The following DTNA variants were observed in gnomAD, a reference collection of about 807,000 sequenced individuals.
DTNA encodes dystrobrevin alpha.
A neutral mutation model predicts 100.7 loss-of-function variants in DTNA; 43 were observed. The ratio of observed to expected loss-of-function variants is 0.43; its 90% CI spans 0.33 to 0.55. The LOEUF (loss-of-function observed/expected upper bound fraction) is 0.55, where lower values mean the gene tolerates loss of function less well. Ranked by LOEUF, DTNA falls within the 20% of genes least tolerant of loss-of-function variation. The pLI is 0.04. For synonymous variants in DTNA, 349 were observed against 347.9 expected, an observed-to-expected ratio of 1.00 and a Z score of -0.04; for missense variants, 798 against 953.9, an observed-to-expected ratio of 0.84 and a Z score of 2.15.
At chr18:34,856,086 G>A (rs1424024429) in intron 15 of DTNA, among the ~76,000 whole-genome samples, 3 of 152,064 alleles carry the variant, frequency 2.0e-5, no homozygotes, top group African/African-American at 7.3e-5. Context: ...TTAAGGACTA[G>A]AGAGGAAAAA....
At position 34,646,263 on chromosome 18, in the gene DTNA, T is replaced by TA. The variant is rs981521094; in HGVS notation, c.-1-109704dup. 9.2e-5 allele frequency among the ~76,000 whole-genome samples: 14 copies of TA among 151,706 alleles called. No homozygotes were observed. In the Middle Eastern group the frequency reaches 0.01, roughly 111 times the overall value. Reference sequence around the variant, plus strand: ...TTCCTGTCTTTTGTTTATAATAAACTAAAAAAAAATTCATGTTAAGAAATG... The same window carrying TA: ...TTCCTGTCTTTTGTTTATAATAAACTAAAAAAAAAATTCATGTTAAGAAATG... On this transcript the variant is annotated intron_variant, in intron 1 of 19. Transcript: ENST00000283365.
intron 2 of DTNA, among the ~76,000 whole-genome samples, chr18:34,765,187 A>C (rs1568447929): frequency 1.3e-5 from 2 of 152,096 alleles, no homozygotes; most frequent in Non-Finnish European, 2.9e-5. Flanking sequence ...GCCATGCTGG[A>C]CTCCTAAGTG....
intron 1 of DTNA, among the ~76,000 whole-genome samples, chr18:34,696,270 G>A (rs190606432): frequency 3.9e-5 from 6 of 152,154 alleles, no homozygotes; most frequent in Non-Finnish European, 7.4e-5. Context: ...CAAAATTAGC[G>A]TGAGTTTTTA....
chr18:34,848,301 T>C lies in DTNA; in HGVS notation c.1352T>C (p.Leu451Pro), dbSNP rs2096416305. The change falls in exon 14 of 23, where the codon CTT (leucine) becomes CCT (proline). Residue 451 changes from leucine to proline, a missense_variant. This residue lies in a region of DTNA where 159 missense variants were observed against 201.2 expected (regional missense o/e 0.79). Transcript: ENST00000444659. ...TCTTGCTTTGTTCTTAATAGCATGC[T>C]TGAGAGTTCAAACCGGCTTGATGAA... ...NMLRNNPSCM[L>P]ESSNRLDEEH... 1.9e-6 allele frequency: 3 copies of C among 1,613,864 alleles called. No individual in the cohort carries two copies. The highest frequency in any genetic ancestry group is 2.5e-6 in the Non-Finnish European group (3 of 1,179,908).
chr18:34,818,315 A>G lies in DTNA; in HGVS notation c.861A>G (p.Lys287=). 6.2e-7 allele frequency: 1 copy of G among 1,613,940 alleles called. No individual in the cohort carries two copies. Residue 287 remains lysine, a synonymous_variant, in exon 8 of 23, where the codon AAA becomes AAG. Coordinates refer to ENST00000444659, the MANE Select transcript of DTNA (RefSeq NM_001386795.1). ...GGSHSNQHQM[K]EYTSWKSPAK... ...CTCATAGCAACCAGCACCAAATGAAAGAGTACACGTCATGGGTAAGGCAAG... is the reference window on the plus strand; with the variant it reads ...CTCATAGCAACCAGCACCAAATGAAGGAGTACACGTCATGGGTAAGGCAAG...
chr18:34,750,157 TA>T (rs768416004), intron 1 of DTNA, among the ~76,000 whole-genome samples: 9 of 152,222 alleles, frequency 5.9e-5, no homozygotes, highest in Non-Finnish European at 1.0e-4. Flanking sequence ...AAGTGTTTGC[TA>T]AAGTGGAGCA....
intron 3 of DTNA, among the ~76,000 whole-genome samples, chr18:34,766,730 A>G (rs1364732555): frequency 3.3e-5 from 5 of 152,188 alleles, no homozygotes; most frequent in Non-Finnish European, 5.9e-5. Flanking sequence ...CAAACATTAA[A>G]TCCCCCTTAT....
At chr18:34,838,928 G>GC in intron 13 of DTNA, 91 bp downstream of exon 13, 4 of 1,087,504 alleles carry the variant, frequency 3.7e-6, no homozygotes, top group Non-Finnish European at 5.7e-6. Flanking sequence ...AAGGTCACTG[G>GC]ATGCCAGTGG....
At chr18:34,819,723 G>C (rs563370169) in intron 8 of DTNA, among the ~76,000 whole-genome samples, 1 of 152,240 alleles carries the variant, frequency 6.6e-6, no homozygotes, top group African/African-American at 2.4e-5. Context: ...CCTGTGGTTT[G>C]TGGGGCAAAG....
At chr18:34,531,007 C>T (rs1464096971) in intron 1 of DTNA, among the ~76,000 whole-genome samples, 1 of 152,064 alleles carries the variant, frequency 6.6e-6, no homozygotes, top group Admixed American at 6.6e-5. Context: ...TCTGTGCAGT[C>T]ATAGAATAGC....
At chr18:34,824,247 G>C (rs896256825) in intron 9 of DTNA, among the ~76,000 whole-genome samples, 1 of 152,094 alleles carries the variant, frequency 6.6e-6, no homozygotes, top group Non-Finnish European at 1.5e-5. Context: ...AGGCTGAGGC[G>C]GGCGGATCAC....
At position 34,507,075 on chromosome 18, in the gene DTNA, C is replaced by T. The variant is rs189400941; in HGVS notation, c.-2+13561C>T. Among the ~76,000 whole-genome samples the T allele has an allele frequency of 6.0e-3, 916 of 152,274 alleles. 6 individuals carry two copies. The highest frequency in any genetic ancestry group is 9.7e-3 in the Non-Finnish European group (660 of 68,018). ...AAGTGGTGTTGCAGATAGATGGGTT[C>T]ACAATGCAGTCCATCATTGTAGGAT... On this transcript the variant is annotated intron_variant, in intron 1 of 19. Transcript: ENST00000283365.
chr18:34,672,804 G>A (rs995099398), intron 1 of DTNA, among the ~76,000 whole-genome samples: 2 of 152,086 alleles, frequency 1.3e-5, no homozygotes, highest in African/African-American at 2.4e-5. Flanking sequence ...TATATGGTAT[G>A]TATATATATG....
intron 1 of DTNA, among the ~76,000 whole-genome samples, chr18:34,600,427 G>A (rs1233491300): frequency 1.3e-5 from 2 of 152,020 alleles, no homozygotes; most frequent in African/African-American, 2.4e-5. Flanking sequence ...TTTATTTTTT[G>A]TACTCATTCC....
At chr18:34,592,604 G>C (rs1263685005) in intron 1 of DTNA, among the ~76,000 whole-genome samples, 1 of 151,582 alleles carries the variant, frequency 6.6e-6, no homozygotes, top group East Asian at 2.0e-4. Flanking sequence ...CTCCTGTTTG[G>C]TTGAAATCAG....
Position 34,867,315 on chromosome 18 carries a change from C to T in DTNA, c.1743+3253C>T, listed in dbSNP as rs1002979500. 25 of 1,230,512 alleles carry T rather than the reference C, an allele frequency of 2.0e-5. No homozygotes were observed. The African/African-American group carries it at 2.6e-4, about 13-fold the overall frequency. The allele number at this position is 1,230,512 out of a possible 1,614,324, so 76.2% of individuals were successfully genotyped here. A position where few individuals can be genotyped will look rare whatever the true frequency, so the allele number is the denominator to read the frequency against. On this transcript the variant is annotated intron_variant, in intron 17 of 22. Coordinates refer to ENST00000444659, the MANE Select transcript of DTNA (RefSeq NM_001386795.1). ...TGTAAAATCAATCTGTAATGTCAGA[C>T]AATAAAGATAATGTATTACATTATT...
At chr18:34,698,451 T>C (rs1355576719) in intron 1 of DTNA, among the ~76,000 whole-genome samples, 1 of 152,226 alleles carries the variant, frequency 6.6e-6, no homozygotes, top group South Asian at 2.1e-4. Flanking sequence ...GGCTTGCAGC[T>C]GCATCACTGC....
rs114051612 is a variant in DTNA at position 34,630,627 on chromosome 18, C to G, written c.-1-125349C>G. On this transcript the variant is annotated intron_variant, in intron 1 of 19. Coordinates refer to the DTNA transcript ENST00000283365. ...ACAGGAGGTAAAGAGTGTCAGTTTC[C>G]TGAGACATGAGTGAGATAAAATCGG... Among the ~76,000 whole-genome samples the G allele has an allele frequency of 8.9e-3, 1,354 of 152,080 alleles. 13 individuals carry two copies. The highest frequency in any genetic ancestry group is 0.031 in the African/African-American group (1,276 of 41,472).
intron 22 of DTNA, among the ~76,000 whole-genome samples, chr18:34,885,108 G>A (rs1353535278): frequency 2.6e-5 from 4 of 152,116 alleles, no homozygotes; most frequent in Non-Finnish European, 5.9e-5. Flanking sequence ...TGACAATATC[G>A]GAGTTTGTAG....
Sources: allele counts gnomAD v4.1 joint callset (sites outside exome capture counted in the v4.1 genomes callset), GRCh38; gene constraint gnomAD v4.1.1; regional missense constraint gnomAD v4.1.1; transcripts MANE v1.5; gene names NCBI Gene and HGNC (gene_info 2026-07-23, HGNC 2026-07-21).